The following OSBPL2 variants were observed in gnomAD, a reference collection of about 807,000 sequenced individuals.
OSBPL2 encodes oxysterol-binding protein-related protein 2.
Under a neutral mutation model 58.4 loss-of-function variants are expected in OSBPL2, and 18 were observed. That is an observed-to-expected ratio of 0.31 (90% confidence interval 0.21 to 0.46). The LOEUF (loss-of-function observed/expected upper bound fraction) is 0.46. Among genes scored for constraint, OSBPL2 ranks in the 20% least tolerant of loss-of-function variants. OSBPL2 has a pLI of 1.00. For synonymous variants in OSBPL2, 221 were observed against 234.1 expected (o/e 0.94, Z 0.51); for missense variants, 461 against 616.5 (o/e 0.75, Z 2.67).
intron 2 of OSBPL2, among the ~76,000 whole-genome samples, chr20:62,257,270 C>T (rs1022622031): frequency 2.6e-5 from 4 of 152,086 alleles, no homozygotes; most frequent in Non-Finnish European, 5.9e-5. Flanking sequence ...GCCTCCGGTC[C>T]GTGGCCCTGC....
chr20:62,247,580 T>TCAGGAGGAGG (rs939975579), intron 1 of OSBPL2, among the ~76,000 whole-genome samples: 3 of 151,894 alleles, frequency 2.0e-5, no homozygotes, highest in South Asian at 2.1e-4. Context: ...CTTTGACCTG[T>TCAGGAGGAGG]CAGGAGGAGG....
At position 62,273,295 on chromosome 20, in the gene OSBPL2, T is replaced by A. The variant is rs1366724011; in HGVS notation, c.394-14T>A. The A allele has an allele frequency of 6.2e-7, 1 of 1,604,664 alleles. No individual in the cohort carries two copies. Among genetic ancestry groups the A allele is most frequent in the Non-Finnish European group, 8.5e-7 (1 of 1,175,788 alleles). On this transcript the variant is annotated splice_polypyrimidine_tract_variant and intron_variant, in intron 5 of 13. Transcript: ENST00000313733. ...ACTGAAGCTGTGCCTGTCCCCCCCG[T>A]GGATTATTTACAGTCTGTGGCTGCT... is the stretch of plus-strand genomic sequence containing the variant.
chr20:62,283,128 G>T (rs1252091038), intron 9 of OSBPL2, among the ~76,000 whole-genome samples: 1 of 152,228 alleles, frequency 6.6e-6, no homozygotes, highest in South Asian at 2.1e-4. Context: ...GTGAGTGCAT[G>T]TAAAACATGT....
At chr20:62,272,015 C>T in intron 4 of OSBPL2, 110 bp from the exon 5 acceptor site, 1 of 1,357,432 alleles carries the variant, frequency 7.4e-7, no homozygotes, top group Admixed American at 1.9e-5. Flanking sequence ...AGATCCGGTT[C>T]AACCCCAGAG....
chr20:62,252,809 C>T (rs940140672), intron 1 of OSBPL2, among the ~76,000 whole-genome samples: 2 of 152,352 alleles, frequency 1.3e-5, no homozygotes, highest in Admixed American at 6.5e-5. Context: ...CGGGTGCAGG[C>T]GCCTCACATG....
At chr20:62,277,774 C>T (rs1169996228) in intron 6 of OSBPL2, among the ~76,000 whole-genome samples, 4 of 152,172 alleles carry the variant, frequency 2.6e-5, no homozygotes, top group Non-Finnish European at 5.9e-5. Context: ...TTTAGCTTTT[C>T]TAATTTTTAA....
At chr20:62,283,880 C>T (rs1445098994) in intron 9 of OSBPL2, among the ~76,000 whole-genome samples, 166 bp from the exon 10 acceptor site, 2 of 152,024 alleles carry the variant, frequency 1.3e-5, no homozygotes, top group African/African-American at 4.8e-5. Context: ...ATCGGGGCTA[C>T]GAATGGTCCC....
chr20:62,273,686 CGT>C (rs200887941), intron 6 of OSBPL2, among the ~76,000 whole-genome samples: 179 of 152,208 alleles, frequency 1.2e-3, no homozygotes, highest in African/African-American at 4.1e-3. Context: ...TAGACGCTTC[CGT>C]GTGTGTGTGC....
intron 4 of OSBPL2, among the ~76,000 whole-genome samples, chr20:62,266,409 C>T (rs1981659816): frequency 1.3e-5 from 2 of 152,244 alleles, no homozygotes; most frequent in Admixed American, 6.5e-5. Context: ...CACTTGGCAA[C>T]GTGGACAGTC....
intron 6 of OSBPL2, chr20:62,278,503 T>C (rs368411216): frequency 2.8e-4 from 35 of 125,600 alleles, no homozygotes; most frequent in Middle Eastern, 4.5e-3. Context: ...TGCGATGTCA[T>C]GTTTATGTGT....
intron 12 of OSBPL2, 31 bp downstream of exon 12, chr20:62,289,361 G>T: frequency 6.2e-7 from 1 of 1,607,324 alleles, no homozygotes; most frequent in Non-Finnish European, 8.5e-7. Context: ...GAGGAAGCTT[G>T]GGGCCAAGGA....
At chr20:62,247,723 G>A (rs1021391986) in intron 1 of OSBPL2, among the ~76,000 whole-genome samples, 34 of 149,724 alleles carry the variant, frequency 2.3e-4, no homozygotes, top group African/African-American at 8.1e-4. Context: ...CTGGAGTGCA[G>A]TGGTGCAATC....
At chr20:62,286,518 A>G in intron 10 of OSBPL2, 65 bp from the exon 11 acceptor site, 1 of 1,557,192 alleles carries the variant, frequency 6.4e-7, no homozygotes, top group Non-Finnish European at 8.7e-7. Flanking sequence ...CTCTGAGAAT[A>G]GCTGTCCTCC....
chr20:62,244,144 C>T (rs1979930260), intron 1 of OSBPL2, among the ~76,000 whole-genome samples: 1 of 152,218 alleles, frequency 6.6e-6, no homozygotes, highest in African/African-American at 2.4e-5. Flanking sequence ...TGGGCAGGTG[C>T]CCTGGGGAAG....
At chr20:62,265,999 T>G (rs576468064) in intron 4 of OSBPL2, among the ~76,000 whole-genome samples, 35 of 152,222 alleles carry the variant, frequency 2.3e-4, no homozygotes, top group African/African-American at 7.5e-4. Context: ...GGCACATGTC[T>G]GTCATCCAGT....
intron 4 of OSBPL2, among the ~76,000 whole-genome samples, chr20:62,266,465 C>T (rs1198459659): frequency 1.3e-5 from 2 of 152,238 alleles, no homozygotes; most frequent in African/African-American, 4.8e-5. Context: ...GTCCCCATAG[C>T]TGGATCTGCA....
chr20:62,258,661 T>C (rs996880084), intron 2 of OSBPL2, among the ~76,000 whole-genome samples: 1 of 152,182 alleles, frequency 6.6e-6, no homozygotes, highest in African/African-American at 2.4e-5. Flanking sequence ...CTGTGGTGGC[T>C]GCCAGGTCTT....
chr20:62,239,252 G>C (rs999645185), intron 1 of OSBPL2, among the ~76,000 whole-genome samples: 2 of 152,244 alleles, frequency 1.3e-5, no homozygotes, highest in Non-Finnish European at 2.9e-5. Context: ...ACACGGTTGA[G>C]AACTTGCTAC....
intron 5 of OSBPL2, among the ~76,000 whole-genome samples, chr20:62,272,859 G>A (rs1982151894): frequency 6.6e-6 from 1 of 152,246 alleles, no homozygotes; most frequent in Admixed American, 6.5e-5. Flanking sequence ...TTACGCCACT[G>A]CACTCCAGCC....
Sources: allele counts gnomAD v4.1 joint callset (sites outside exome capture counted in the v4.1 genomes callset), GRCh38; gene constraint gnomAD v4.1.1; transcripts MANE v1.5; gene names NCBI Gene and HGNC (gene_info 2026-07-23, HGNC 2026-07-21).